B4GALT5: variants seen among roughly 807,000 people sequenced by gnomAD.
B4GALT5 encodes the protein beta-1,4-galactosyltransferase 5, also known as UDP-Gal:beta-GlcNAc beta-1,4-galactosyltransferase 5.
A neutral mutation model predicts 45.0 loss-of-function variants in B4GALT5; 11 were observed. That is an observed-to-expected ratio of 0.24 (90% CI 0.15 to 0.40). B4GALT5 has a LOEUF of 0.40. Among genes scored for constraint, B4GALT5 ranks in the 10% least tolerant of loss-of-function variants. The probability of loss-of-function intolerance (pLI) is 1.00; values close to 1 mark genes in which losing one functional copy is unlikely to be tolerated. For missense variants in B4GALT5, 337 were observed against 500.2 expected (o/e 0.67, Z 3.11); for synonymous variants, 185 against 182.9 (o/e 1.01, Z -0.09).
At chr20:49,659,163 T>C (rs6095601) in intron 1 of B4GALT5, among the ~76,000 whole-genome samples, 71,049 of 152,044 alleles carry the variant, frequency 0.47, 17,583 homozygotes, top group South Asian at 0.65. Context: ...CTTAAGGAGA[T>C]AGCTCTCACA....
intron 1 of B4GALT5, among the ~76,000 whole-genome samples, chr20:49,657,634 A>G (rs1007373396): frequency 6.6e-5 from 10 of 152,142 alleles, no homozygotes; most frequent in African/African-American, 2.4e-4. Context: ...AACATTTACA[A>G]ATCTAAACTT....
chr20:49,695,689 C>T (rs2085836890), intron 1 of B4GALT5, among the ~76,000 whole-genome samples: 1 of 152,202 alleles, frequency 6.6e-6, no homozygotes, highest in East Asian at 1.9e-4. Flanking sequence ...GTGTGAGCCA[C>T]CGGGCCCGGC....
At chr20:49,661,288 T>G (rs1038594877) in intron 1 of B4GALT5, among the ~76,000 whole-genome samples, 1 of 152,044 alleles carries the variant, frequency 6.6e-6, no homozygotes, top group Non-Finnish European at 1.5e-5. Flanking sequence ...CAAGCTGGAG[T>G]GTAGTGGCGC....
chr20:49,650,596 G>T (rs374731861), intron 2 of B4GALT5, among the ~76,000 whole-genome samples: 1 of 151,940 alleles, frequency 6.6e-6, no homozygotes, highest in East Asian at 1.9e-4. Flanking sequence ...GAGATCACAC[G>T]GTTGCACTCC....
chr20:49,700,987 T>C (rs913445494), intron 1 of B4GALT5, among the ~76,000 whole-genome samples: 9 of 152,318 alleles, frequency 5.9e-5, no homozygotes, highest in Middle Eastern at 3.4e-3. Context: ...ACCAGATGAA[T>C]TGGCCCTCAA....
intron 2 of B4GALT5, among the ~76,000 whole-genome samples, chr20:49,652,835 G>A (rs2085627783): frequency 6.6e-6 from 1 of 152,232 alleles, no homozygotes; most frequent in Non-Finnish European, 1.5e-5. Context: ...ATGTGGGTAT[G>A]TGCCTCAGCA....
chr20:49,684,751 A>T, intron 1 of B4GALT5: 1 of 475,058 alleles, frequency 2.1e-6, no homozygotes, highest in South Asian at 1.5e-5. Flanking sequence ...TTCCCCAGAG[A>T]ACAGAGGTGG....
Position 49,692,589 on chromosome 20 carries a change from T to A in B4GALT5, c.115+20987A>T, listed in dbSNP as rs549948153. Among the ~76,000 whole-genome samples the A allele has an allele frequency of 1.0e-3, 156 of 152,314 alleles. 4 individuals carry two copies. The highest frequency in any genetic ancestry group is 2.2e-4 in the Non-Finnish European group (15 of 68,016). Reference sequence around the variant, plus strand: ...AAAATCCTTGGAATAACAACTAGAATGGGACTCAGTTGTAGTGCTGGCATT... The same window carrying A: ...AAAATCCTTGGAATAACAACTAGAAAGGGACTCAGTTGTAGTGCTGGCATT... On this transcript the variant is annotated intron_variant, in intron 1 of 8. Transcript: ENST00000371711.
chr20:49,659,969 G>T (rs1398349004), intron 1 of B4GALT5, among the ~76,000 whole-genome samples: 2 of 151,914 alleles, frequency 1.3e-5, no homozygotes, highest in African/African-American at 4.8e-5. Context: ...TCATAGAGAC[G>T]GGGTTTCAGC....
intron 1 of B4GALT5, among the ~76,000 whole-genome samples, chr20:49,694,827 AAGAC>A (rs201614508): frequency 0.013 from 1,754 of 130,704 alleles, 29 homozygotes; most frequent in African/African-American, 0.046. Context: ...CCCAGCTGGA[AAGAC>A]AGACAGATAC....
intron 1 of B4GALT5, among the ~76,000 whole-genome samples, chr20:49,702,823 C>A (rs1167890391): frequency 1.3e-5 from 2 of 151,752 alleles, no homozygotes; most frequent in African/African-American, 4.8e-5. Context: ...CCACTGCACT[C>A]CAGCATGGGC....
chr20:49,635,784 C>T lies in B4GALT5; in HGVS notation c.*528G>A, dbSNP rs114770355. ...CTCCCCTCCACCCTCAATCCCCACC[C>T]AAAGAAGGTAATTTTTTAAAAAAAT... On this transcript the variant is annotated 3_prime_UTR_variant, in exon 9 of 9. Coordinates refer to ENST00000371711, the MANE Select transcript of B4GALT5 (RefSeq NM_004776.4). 3.1e-3 allele frequency: 477 copies of T among 152,926 alleles called. 4 individuals are homozygous for T. The highest frequency in any genetic ancestry group is 9.7e-3 in the African/African-American group (404 of 41,518). The allele number at this position is 152,926 out of a possible 1,614,324, so 9.5% of individuals were successfully genotyped here.
At chr20:49,647,721 C>G (rs192464866) in intron 2 of B4GALT5, among the ~76,000 whole-genome samples, 17 of 152,350 alleles carry the variant, frequency 1.1e-4, no homozygotes, top group Non-Finnish European at 2.4e-4. Flanking sequence ...TCTAATTCAA[C>G]ACCACGCCTT....
At chr20:49,677,029 G>GT (rs1354667141) in intron 1 of B4GALT5, among the ~76,000 whole-genome samples, 1 of 152,086 alleles carries the variant, frequency 6.6e-6, no homozygotes, top group Non-Finnish European at 1.5e-5. Flanking sequence ...CTTAAGTGGT[G>GT]TTTTTTGTTT....
chr20:49,660,611 A>T (rs1420602556), intron 1 of B4GALT5, among the ~76,000 whole-genome samples: 1 of 152,196 alleles, frequency 6.6e-6, no homozygotes, highest in Non-Finnish European at 1.5e-5. Context: ...TAGAGATGCT[A>T]AATTGCCCTT....
intron 1 of B4GALT5, among the ~76,000 whole-genome samples, chr20:49,703,947 T>C (rs16994795): frequency 0.021 from 3,271 of 152,182 alleles, 130 homozygotes; most frequent in African/African-American, 0.076. Flanking sequence ...AAAGTCAGTC[T>C]ACTATCATTT....
intron 1 of B4GALT5, among the ~76,000 whole-genome samples, chr20:49,680,107 C>T (rs1164319765): frequency 1.3e-5 from 2 of 152,122 alleles, no homozygotes; most frequent in Non-Finnish European, 2.9e-5. Context: ...GATTAAAATG[C>T]CATATAATAA....
At chr20:49,654,208 G>C (rs2085632967) in intron 2 of B4GALT5, among the ~76,000 whole-genome samples, 1 of 152,202 alleles carries the variant, frequency 6.6e-6, no homozygotes, top group Non-Finnish European at 1.5e-5. Flanking sequence ...ATTTTGGCAG[G>C]GTTTAGGGAA....
intron 1 of B4GALT5, among the ~76,000 whole-genome samples, chr20:49,663,689 AAATATATACATATATAT>A (rs1332875092): frequency 5.8e-5 from 5 of 86,252 alleles, no homozygotes; most frequent in African/African-American, 1.9e-4. Flanking sequence ...AAAAAAAAAA[AAATATATACATATATAT>A]ATATATATAT....
Sources: allele counts gnomAD v4.1 joint callset (sites outside exome capture counted in the v4.1 genomes callset), GRCh38; gene constraint gnomAD v4.1.1; transcripts MANE v1.5; gene names NCBI Gene and HGNC (gene_info 2026-07-23, HGNC 2026-07-21).